Variants in CEACAM8 observed in about 807,000 individuals in gnomAD.
CEACAM8 encodes the protein CEA cell adhesion molecule 8, also known as cell adhesion molecule CEACAM8.
In CEACAM8, 31 loss-of-function variants were observed where a neutral mutation model predicts 33.4. The ratio of observed to expected loss-of-function variants is 0.93; its 90% CI spans 0.70 to 1.25. The LOEUF (loss-of-function observed/expected upper bound fraction) is 1.25, where lower values mean the gene tolerates loss of function less well. CEACAM8 is among the 50% of genes most tolerant of loss of function. CEACAM8 has a pLI of 0.00. For missense variants in CEACAM8, 388 were observed against 434.6 expected, an observed-to-expected ratio of 0.89 and a Z score of 0.95; for synonymous variants, 138 against 164.5, an observed-to-expected ratio of 0.84 and a Z score of 1.23.
rs374406099 is a variant in CEACAM8 at position 42,585,736 on chromosome 19, TC to T, written c.959-2400del. 2.3e-4 allele frequency among the ~76,000 whole-genome samples: 35 copies of T among 152,142 alleles called. No homozygotes were observed. In the East Asian group the frequency reaches 6.6e-3, roughly 29 times the overall value. On this transcript the variant is annotated intron_variant, in intron 4 of 5. Coordinates refer to ENST00000244336, the MANE Select transcript of CEACAM8 (RefSeq NM_001816.4). Reference sequence around the variant, plus strand: ...CGTCTATTTAACATAGTATTACAAGTCCTAGCCAGAGAAATTAGGCAAGAAA... The same window carrying T: ...CGTCTATTTAACATAGTATTACAAGTCTAGCCAGAGAAATTAGGCAAGAAA...
chr19:42,593,456 C>T, intron 2 of CEACAM8, 85 bp downstream of exon 2: 1 of 1,496,786 alleles, frequency 6.7e-7, no homozygotes, highest in African/African-American at 1.4e-5. Context: ...CAGAGAGGGA[C>T]ATGGGCACAG....
At chr19:42,584,111 TTC>T (rs1380477421) in intron 4 of CEACAM8, among the ~76,000 whole-genome samples, 2 of 152,214 alleles carry the variant, frequency 1.3e-5, no homozygotes, top group East Asian at 3.8e-4. Context: ...TTAGCTTTTT[TTC>T]TCTCTTTCAC....
chr19:42,583,554 A>G (rs1358861575), intron 4 of CEACAM8, among the ~76,000 whole-genome samples: 1 of 152,216 alleles, frequency 6.6e-6, no homozygotes, highest in Non-Finnish European at 1.5e-5. Context: ...GTCTTCGGTC[A>G]ATTTCATCCT....
intron 4 of CEACAM8, among the ~76,000 whole-genome samples, chr19:42,588,410 G>A (rs2042372424): frequency 6.6e-6 from 1 of 152,166 alleles, no homozygotes; most frequent in Admixed American, 6.5e-5. Context: ...TGCAGCTAAT[G>A]GCATAGGTAA....
At chr19:42,594,630 C>T (rs1411827563) in intron 1 of CEACAM8, 135 bp downstream of exon 1, 1 of 665,408 alleles carries the variant, frequency 1.5e-6, no homozygotes, top group Admixed American at 2.3e-5. Context: ...CCCTTCCCCT[C>T]TCTTGTGTCC....
intron 4 of CEACAM8, among the ~76,000 whole-genome samples, chr19:42,583,800 TG>T (rs1344812606): frequency 2.6e-5 from 4 of 152,204 alleles, no homozygotes; most frequent in African/African-American, 9.7e-5. Flanking sequence ...AGCAGGGGTA[TG>T]GAAGCAAGCC....
intron 3 of CEACAM8, 79 bp from the exon 4 acceptor site, chr19:42,589,117 T>C: frequency 1.3e-6 from 2 of 1,522,688 alleles, no homozygotes; most frequent in Non-Finnish European, 8.9e-7. Context: ...AGCCACAGTG[T>C]CCCTCTGAGC....
At chr19:42,592,453 A>G (rs45583435) in intron 2 of CEACAM8, among the ~76,000 whole-genome samples, 4,671 of 151,946 alleles carry the variant, frequency 0.031, 248 homozygotes, top group African/African-American at 0.11. Context: ...AAATACCAAA[A>G]TTAGCTAGGG....
intron 4 of CEACAM8, among the ~76,000 whole-genome samples, chr19:42,586,137 A>C (rs2042333414): frequency 6.6e-6 from 1 of 152,208 alleles, no homozygotes. Context: ...GGATTGGAAG[A>C]CACGGTATTG....
chr19:42,588,859 C>G lies in CEACAM8; in HGVS notation c.883G>C (p.Gly295Arg), dbSNP rs147588657. The change falls in exon 4 of 6, where the codon GGA becomes CGA. Residue 295 changes from glycine (G) to arginine (R), a missense_variant. Transcript: ENST00000244336. ...FIPNITTKNS[G>R]SYACHTTNSA... The stretch of plus-strand genomic sequence containing the variant: ...TTAGTGGTGTGGCAGGCATAGGATC[C>G]GCTGTTCTTTGTAGTGATGTTGGGG... 3 of 1,614,080 alleles carry G rather than the reference C, an allele frequency of 1.9e-6. No homozygotes were observed. Among genetic ancestry groups the G allele is most frequent in the Non-Finnish European group, 1.7e-6 (2 of 1,180,016 alleles).
chr19:42,589,347 G>A, intron 3 of CEACAM8, 110 bp downstream of exon 3: 4 of 1,522,366 alleles, frequency 2.6e-6, no homozygotes, highest in South Asian at 1.2e-5. Flanking sequence ...GTTTCTAGGG[G>A]TGGGTGGGGA....
chr19:42,589,098 C>A, intron 3 of CEACAM8, 60 bp from the exon 4 acceptor site: 1 of 1,559,956 alleles, frequency 6.4e-7, no homozygotes, highest in South Asian at 1.2e-5. Context: ...AGCTCCTGGT[C>A]TGTGGAAGAG....
At chr19:42,582,516 A>G (rs955331834) in intron 5 of CEACAM8, among the ~76,000 whole-genome samples, 3 of 152,180 alleles carry the variant, frequency 2.0e-5, no homozygotes, top group African/African-American at 7.2e-5. Context: ...CATTAATGCT[A>G]GAGTCGTTGT....
At position 42,593,675 on chromosome 19, in the gene CEACAM8, T is replaced by A. The variant is rs367810787; in HGVS notation, c.290A>T (p.Asn97Ile). The change falls in exon 2 of 6, where the codon AAT (asparagine) becomes ATT (isoleucine). Residue 97 changes from asparagine (N) to isoleucine (I), a missense_variant. Transcript: ENST00000244336. ...TGCATTGGGGTATATTGTCTCTCGATTGCTGTATGCAGGCCCTGGGGTAAT... is the reference window on the plus strand; with the variant it reads ...TGCATTGGGGTATATTGTCTCTCGAATGCTGTATGCAGGCCCTGGGGTAAT... Reference protein sequence around the residue: ...QQITPGPAYSNRETIYPNASL... With the variant: ...QQITPGPAYSIRETIYPNASL... 3.7e-6 allele frequency: 6 copies of A among 1,614,034 alleles called. No homozygotes were observed. In the African/African-American group the frequency reaches 5.3e-5, roughly 14 times the overall value.
rs368556806 is a variant in CEACAM8 at position 42,592,283 on chromosome 19, G to A, written c.424+1258C>T. Reference sequence around the variant, plus strand: ...AGTGACTGTGTCTTCCTGTGCCTCCGTTTCTTCTCAATAATAAGCTTCTAT... The same window carrying A: ...AGTGACTGTGTCTTCCTGTGCCTCCATTTCTTCTCAATAATAAGCTTCTAT... On this transcript the variant is annotated intron_variant, in intron 2 of 5. Transcript: ENST00000244336. Among the ~76,000 whole-genome samples, 18 of 151,904 alleles carry A rather than the reference G, an allele frequency of 1.2e-4. No homozygotes were observed. In the South Asian group the frequency reaches 3.1e-3, roughly 26 times the overall value.
Position 42,580,621 on chromosome 19 carries a change from T to G in CEACAM8, c.*773A>C, listed in dbSNP as rs2042247952. 6.6e-6 allele frequency: 1 copy of G among 152,226 alleles called. No individual in the cohort carries two copies. Among genetic ancestry groups the G allele is most frequent in the Admixed American group, 6.5e-5 (1 of 15,274 alleles). 9.4% of individuals were successfully genotyped at this position (152,226 alleles called of 1,614,324 possible). ...ATTACCATAAACATATGAATACTCA[T>G]GAATAGTTGCCCAGTTCTGTGGCAG... On this transcript the variant is annotated 3_prime_UTR_variant, in exon 6 of 6. Coordinates refer to ENST00000244336, the MANE Select transcript of CEACAM8 (RefSeq NM_001816.4).
In CEACAM8 at chr19:42,594,836, GC is replaced by G; in HGVS notation, c.-9del. The stretch of plus-strand genomic sequence containing the variant: ...GGCTGAGATGGGCCCCATGGTCTCT[GC>G]TGCCTGCGTGTTCTCCTCTGTGGAG... On this transcript the variant is annotated 5_prime_UTR_variant, in exon 1 of 6. Transcript: ENST00000244336. 1 of 1,608,088 alleles carries G rather than the reference GC, an allele frequency of 6.2e-7. No homozygotes were observed. Among genetic ancestry groups the G allele is most frequent in the Admixed American group, 1.7e-5 (1 of 59,634 alleles).
At chr19:42,581,952 A>G (rs1309816141) in intron 5 of CEACAM8, among the ~76,000 whole-genome samples, 2 of 127,278 alleles carry the variant, frequency 1.6e-5, no homozygotes, top group Non-Finnish European at 1.6e-5. Flanking sequence ...TATATAAAAT[A>G]AGGTGGCTTT....
intron 4 of CEACAM8, among the ~76,000 whole-genome samples, chr19:42,587,745 C>T (rs2042360361): frequency 1.3e-5 from 2 of 152,206 alleles, no homozygotes; most frequent in Admixed American, 1.3e-4. Context: ...TGGCTCATGC[C>T]TGTAATCCCA....
Sources: allele counts gnomAD v4.1 joint callset (sites outside exome capture counted in the v4.1 genomes callset), GRCh38; gene constraint gnomAD v4.1.1; transcripts MANE v1.5; gene names NCBI Gene and HGNC (gene_info 2026-07-23, HGNC 2026-07-21).